PBX3: variants seen among roughly 807,000 people sequenced by gnomAD.
PBX3 encodes the protein pre-B-cell leukemia transcription factor 3.
A neutral mutation model predicts 48.5 loss-of-function variants in PBX3; 14 were observed. That is an observed-to-expected ratio of 0.29 (90% confidence interval 0.19 to 0.45). The LOEUF is 0.45. PBX3 is among the 20% of genes least tolerant of loss of function. The pLI, the probability that PBX3 is intolerant of heterozygous loss-of-function variation, is 1.00. For missense variants in PBX3, 386 were observed against 546.7 expected (o/e 0.71, Z 2.93); for synonymous variants, 210 against 200.3 (o/e 1.05, Z -0.41).
At chr9:125,926,557 C>G (rs537238911) in intron 3 of PBX3, among the ~76,000 whole-genome samples, 112 of 152,050 alleles carry the variant, frequency 7.4e-4, no homozygotes, top group Middle Eastern at 3.4e-3. Context: ...AGGCTCATGC[C>G]TATAATCCCA....
At chr9:125,798,991 AT>A (rs1159020533) in intron 2 of PBX3, among the ~76,000 whole-genome samples, 1 of 152,126 alleles carries the variant, frequency 6.6e-6, no homozygotes, top group Non-Finnish European at 1.5e-5. Context: ...TTTTATTTGC[AT>A]TCTTAAAAAT....
At chr9:125,949,077 A>G (rs1350843949) in intron 5 of PBX3, among the ~76,000 whole-genome samples, 2 of 152,150 alleles carry the variant, frequency 1.3e-5, no homozygotes, top group East Asian at 1.9e-4. Flanking sequence ...GTCCTTTCCT[A>G]TCATGTATTT....
chr9:125,905,052 C>A (rs55677081), intron 2 of PBX3, among the ~76,000 whole-genome samples: 5,796 of 151,974 alleles, frequency 0.038, 392 homozygotes, highest in African/African-American at 0.13. Flanking sequence ...AATCTATAAT[C>A]ATATTTATCT....
chr9:125,863,861 G>C (rs1265497843), intron 2 of PBX3, among the ~76,000 whole-genome samples: 1 of 151,476 alleles, frequency 6.6e-6, no homozygotes, highest in Non-Finnish European at 1.5e-5. Flanking sequence ...TTCTAATTAT[G>C]TAATTCCCCA....
At chr9:125,802,145 G>C (rs1457742467) in intron 2 of PBX3, among the ~76,000 whole-genome samples, 1 of 151,966 alleles carries the variant, frequency 6.6e-6, no homozygotes, top group Non-Finnish European at 1.5e-5. Context: ...TAGATTCAGA[G>C]GGTACACGTG....
intron 5 of PBX3, among the ~76,000 whole-genome samples, chr9:125,950,696 G>A (rs1842177231): frequency 6.6e-6 from 1 of 152,078 alleles, no homozygotes; most frequent in African/African-American, 2.4e-5. Context: ...TGGCCAGGCT[G>A]GTCTCAAACT....
intron 2 of PBX3, among the ~76,000 whole-genome samples, chr9:125,892,599 A>T (rs897662212): frequency 6.6e-6 from 1 of 152,182 alleles, no homozygotes; most frequent in African/African-American, 2.4e-5. Context: ...ATTACAAAGT[A>T]GGTGGCCTGA....
At chr9:125,764,686 T>G (rs1836757570) in intron 2 of PBX3, among the ~76,000 whole-genome samples, 1 of 152,244 alleles carries the variant, frequency 6.6e-6, no homozygotes, top group Admixed American at 6.5e-5. Flanking sequence ...AGATCCGAAA[T>G]GGTTCTTGGA....
chr9:125,788,469 G>A (rs1264133603), intron 2 of PBX3, among the ~76,000 whole-genome samples: 2 of 152,078 alleles, frequency 1.3e-5, no homozygotes, highest in African/African-American at 2.4e-5. Context: ...CTGTACTTTC[G>A]TTATAATTTG....
intron 2 of PBX3, among the ~76,000 whole-genome samples, chr9:125,838,889 T>G (rs1839212871): frequency 6.6e-6 from 1 of 152,126 alleles, no homozygotes; most frequent in Non-Finnish European, 1.5e-5. Flanking sequence ...AAGGAGTGGA[T>G]TTTTGGAAGG....
intron 2 of PBX3, among the ~76,000 whole-genome samples, chr9:125,757,273 TG>T (rs987168360): frequency 3.3e-5 from 5 of 151,498 alleles, no homozygotes; most frequent in Non-Finnish European, 5.9e-5. Context: ...CTCCCACCAT[TG>T]TTTTTTTTTA....
intron 3 of PBX3, among the ~76,000 whole-genome samples, chr9:125,920,092 G>C (rs1841424835): frequency 6.6e-6 from 1 of 152,112 alleles, no homozygotes; most frequent in Non-Finnish European, 1.5e-5. Flanking sequence ...GAATATTACT[G>C]CCACCCAAAA....
At chr9:125,877,019 G>T (rs970848229) in intron 2 of PBX3, among the ~76,000 whole-genome samples, 1 of 152,026 alleles carries the variant, frequency 6.6e-6, no homozygotes, top group Non-Finnish European at 1.5e-5. Context: ...TGATCTGCCT[G>T]CCTTGGCCTC....
intron 2 of PBX3, among the ~76,000 whole-genome samples, chr9:125,780,333 A>G (rs1198456636): frequency 8.6e-6 from 1 of 115,906 alleles, no homozygotes; most frequent in African/African-American, 3.4e-5. Flanking sequence ...GGCGCCCCTC[A>G]CCTCCCGGAC....
intron 2 of PBX3, among the ~76,000 whole-genome samples, chr9:125,790,222 G>A (rs76994174): frequency 0.036 from 5,462 of 152,070 alleles, 345 homozygotes; most frequent in African/African-American, 0.12. Flanking sequence ...GCCATCCAAA[G>A]CATTAAAATT....
In PBX3 at chr9:125,747,463, C is replaced by A; in HGVS notation, c.10C>A (p.Gln4Lys). 2 of 1,517,726 alleles carry A rather than the reference C, an allele frequency of 1.3e-6. No individual in the cohort carries two copies. Among genetic ancestry groups the A allele is most frequent in the Non-Finnish European group, 1.8e-6 (2 of 1,131,826 alleles). 94.0% of individuals were successfully genotyped at this position (1,517,726 alleles called of 1,614,324 possible). The change falls in exon 1 of 9, where the codon CAA becomes AAA. Residue 4 changes from glutamine to lysine, a missense_variant. By Grantham distance (53) the Gln-to-Lys change is moderately conservative. This residue lies in a region of PBX3 where 116 missense variants were observed against 98.2 expected (regional missense o/e 1.18). Transcript: ENST00000373489. ...GCCCGCGCGCGGCGGGATGGACGAT[C>A]AATCCAGGATGCTGCAGACTCTGGC... The part of the protein sequence containing the change: MDD[Q>K]SRMLQTLAGV...
chr9:125,793,034 A>G (rs1239707962), intron 2 of PBX3, among the ~76,000 whole-genome samples: 1 of 151,898 alleles, frequency 6.6e-6, no homozygotes, highest in East Asian at 2.0e-4. Context: ...GTGCTTATTT[A>G]AAATGTACAA....
chr9:125,863,916 TGAGAAGCCCCTGTCTCCTTA>T (rs1452693520), intron 2 of PBX3, among the ~76,000 whole-genome samples: 18 of 152,294 alleles, frequency 1.2e-4, no homozygotes, highest in South Asian at 8.3e-4. Context: ...TCTTGAAATT[TGAGAAGCCCCTGTCTCCTTA>T]GAGAAGCCCC....
intron 2 of PBX3, among the ~76,000 whole-genome samples, chr9:125,908,497 A>AAT (rs1185719562): frequency 1.2e-4 from 18 of 152,236 alleles, no homozygotes; most frequent in African/African-American, 4.1e-4. Flanking sequence ...CACTCTTAAT[A>AAT]ATATGAGTAT....
Sources: allele counts gnomAD v4.1 joint callset (sites outside exome capture counted in the v4.1 genomes callset), GRCh38; gene constraint gnomAD v4.1.1; regional missense constraint gnomAD v4.1.1; transcripts MANE v1.5; gene names NCBI Gene and HGNC (gene_info 2026-07-23, HGNC 2026-07-21).